HIVEP3: variants seen among roughly 807,000 people sequenced by gnomAD.
HIVEP3 encodes the protein transcription factor HIVEP3.
Under a neutral mutation model 152.8 loss-of-function variants are expected in HIVEP3, and 49 were observed. The observed-to-expected ratio is 0.32, with a 90% CI of 0.26 to 0.41. The LOEUF is 0.41. HIVEP3 is among the 10% of genes least tolerant of loss of function. The probability of loss-of-function intolerance (pLI) is 1.00; values close to 1 mark genes in which losing one functional copy is unlikely to be tolerated. For missense variants in HIVEP3, 2,790 were observed against 3,103.3 expected (o/e 0.90, Z 2.40); for synonymous variants, 1,269 against 1,289.0 (o/e 0.98, Z 0.33).
intron 7 of HIVEP3, among the ~76,000 whole-genome samples, chr1:41,516,068 C>T (rs986304442): frequency 1.4e-5 from 2 of 142,484 alleles, no homozygotes; most frequent in Non-Finnish European, 3.1e-5. Flanking sequence ...ATGGCCCGTC[C>T]TGGGCACTCA....
intron 1 of HIVEP3, among the ~76,000 whole-genome samples, chr1:41,714,772 TA>T (rs1160272681): frequency 6.6e-6 from 1 of 152,176 alleles, no homozygotes; most frequent in Non-Finnish European, 1.5e-5. Flanking sequence ...CTGCTATATT[TA>T]AAAGCATTGT....
intron 2 of HIVEP3, among the ~76,000 whole-genome samples, chr1:41,696,301 G>T (rs1393855893): frequency 6.6e-6 from 1 of 152,228 alleles, no homozygotes; most frequent in Non-Finnish European, 1.5e-5. Flanking sequence ...TGTTTGGTGG[G>T]CCACCTGCCC....
At chr1:41,713,960 T>C (rs1192891042) in intron 1 of HIVEP3, among the ~76,000 whole-genome samples, 3 of 152,180 alleles carry the variant, frequency 2.0e-5, no homozygotes, top group Non-Finnish European at 2.9e-5. Context: ...TCAGCTCCCC[T>C]TCCAAGAGAA....
chr1:41,977,330 G>T (rs1645265501), intron 1 of HIVEP3, among the ~76,000 whole-genome samples: 1 of 152,178 alleles, frequency 6.6e-6, no homozygotes, highest in Non-Finnish European at 1.5e-5. Context: ...TTCTTCCCTT[G>T]TGTGAGCTGC....
chr1:41,526,276 C>A (rs1642902772), intron 5 of HIVEP3, among the ~76,000 whole-genome samples: 2 of 151,008 alleles, frequency 1.3e-5, no homozygotes, highest in African/African-American at 4.9e-5. Flanking sequence ...CACACACTCA[C>A]CCTCACACGC....
intron 1 of HIVEP3, among the ~76,000 whole-genome samples, chr1:41,711,103 G>T (rs1177638025): frequency 1.3e-5 from 2 of 152,166 alleles, no homozygotes; most frequent in Non-Finnish European, 2.9e-5. Context: ...CCACCCACCG[G>T]GCTGGCCTTC....
At chr1:41,540,869 C>A (rs1459494688) in intron 5 of HIVEP3, among the ~76,000 whole-genome samples, 1 of 152,078 alleles carries the variant, frequency 6.6e-6, no homozygotes, top group African/African-American at 2.4e-5. Flanking sequence ...AAGTCTGGGG[C>A]AAAATAGATT....
At position 41,582,290 on chromosome 1, in the gene HIVEP3, G is replaced by T; in HGVS notation, c.2508C>A (p.His836Gln). The T allele has an allele frequency of 6.2e-7, 1 of 1,614,144 alleles. No individual in the cohort carries two copies. Among genetic ancestry groups the T allele is most frequent in the Admixed American group, 1.7e-5 (1 of 60,024 alleles). ...AQFPSPPPAP[H>Q]GRSAHSLQPK... ...GCTGCAGGGAGTGAGCAGAGCGTCC[G>T]TGTGGGGCAGGTGGGGGTGATGGGA... Residue 836 changes from histidine (H) to glutamine (Q), a missense_variant, in exon 4 of 9, where the codon CAC becomes CAA. Around this residue, in one of 9 missense-constraint regions of HIVEP3, gnomAD observed 1,078 missense variants for 1,165.3 expected, o/e 0.93. Transcript: ENST00000372583. This position sits in a 1 kb window ranked among gnomAD's most constrained non-coding sequence, Gnocchi z 4.7.
rs537877738 is a variant in HIVEP3 at position 42,016,365 on chromosome 1, A to G, written n.119+19442T>C. ...TGCTTTCATTAGGAGTTTGATCTTT[A>G]TCATGAAACTGGTAATATACAGACA... On this transcript the variant is annotated intron_variant and non_coding_transcript_variant, in intron 1 of 3. Transcript: ENST00000489103. Among the ~76,000 whole-genome samples, 13 of 152,310 alleles carry G rather than the reference A, an allele frequency of 8.5e-5. No homozygotes were observed. The South Asian group carries it at 2.7e-3, about 32-fold the overall frequency.
At position 41,824,851 on chromosome 1, in the gene HIVEP3, T is replaced by TAG. The variant is rs112182227; in HGVS notation, c.-801+93560_-801+93561dup. Among the ~76,000 whole-genome samples, 249 of 131,212 alleles carry TAG rather than the reference T, an allele frequency of 1.9e-3. 1 individual carries two copies. Among genetic ancestry groups the TAG allele is most frequent in the African/African-American group, 6.7e-3 (227 of 33,694 alleles). 86.1% of individuals were successfully genotyped at this position (131,212 alleles called of 152,430 possible). A position where few individuals can be genotyped will look rare whatever the true frequency, so the allele number is the denominator to read the frequency against. ...GAGAGAGAGAGAGAGAGTTTATATA[T>TAG]AGAGAGAGAGACAGAGACAGAGAGA... On this transcript the variant is annotated intron_variant, in intron 1 of 8. Transcript: ENST00000372583.
At chr1:41,627,592 G>A (rs1006765974) in intron 3 of HIVEP3, among the ~76,000 whole-genome samples, 2 of 152,166 alleles carry the variant, frequency 1.3e-5, no homozygotes, top group East Asian at 1.9e-4. Flanking sequence ...CAGCAACAGC[G>A]ATGCCATCTC....
intron 1 of HIVEP3, among the ~76,000 whole-genome samples, chr1:41,969,531 T>G (rs896370639): frequency 2.6e-5 from 4 of 152,170 alleles, no homozygotes; most frequent in Non-Finnish European, 5.9e-5. Flanking sequence ...CTGGACCCAC[T>G]CCTTATACCT....
chr1:42,008,240 A>G (rs1645472305), intron 1 of HIVEP3, among the ~76,000 whole-genome samples: 1 of 152,220 alleles, frequency 6.6e-6, no homozygotes, highest in African/African-American at 2.4e-5. Flanking sequence ...TAATGTTTCA[A>G]GTGTGAAGAT....
Position 41,579,930 on chromosome 1 carries a change from C to T in HIVEP3, c.4868G>A (p.Arg1623Lys). The stretch of plus-strand genomic sequence containing the variant: ...GCACCAACCAGCGTAAACAGAGGAC[C>T]TCCTATCTGCATGCTGGATGTGATT... ...KPNHIQHADRRSSVYAGWCIS... is the reference protein window; with the variant it reads ...KPNHIQHADRKSSVYAGWCIS... Residue 1623 changes from arginine (R) to lysine (K), a missense_variant, in exon 4 of 9, where the codon AGG becomes AAG. Arg to Lys is a conservative substitution (Grantham distance 26, BLOSUM62 2). Transcript: ENST00000372583. 1.9e-6 allele frequency: 3 copies of T among 1,614,234 alleles called. No individual in the cohort carries two copies. Among genetic ancestry groups the T allele is most frequent in the Non-Finnish European group, 2.5e-6 (3 of 1,180,034 alleles).
intron 3 of HIVEP3, among the ~76,000 whole-genome samples, chr1:41,601,853 A>G (rs930717100): frequency 6.6e-6 from 1 of 152,178 alleles, no homozygotes; most frequent in African/African-American, 2.4e-5. Flanking sequence ...GTTTTTCACC[A>G]CTGAGTATAG....
At chr1:41,602,558 A>G (rs1206681318) in intron 3 of HIVEP3, among the ~76,000 whole-genome samples, 1 of 151,826 alleles carries the variant, frequency 6.6e-6, no homozygotes, top group African/African-American at 2.4e-5. Flanking sequence ...TATCCTTTTT[A>G]TTTCTGTGGC....
chr1:41,628,618 C>T, intron 3 of HIVEP3, 131 bp downstream of exon 3: 1 of 729,356 alleles, frequency 1.4e-6, no homozygotes, highest in Non-Finnish European at 1.9e-6. Context: ...TTCACAGAGG[C>T]ACCAGAAAGG....
At chr1:41,863,884 T>G (rs2124402656) in intron 1 of HIVEP3, among the ~76,000 whole-genome samples, 1 of 152,348 alleles carries the variant, frequency 6.6e-6, no homozygotes, top group South Asian at 2.1e-4. Flanking sequence ...AGCTGATTAT[T>G]GCAGGAAATG....
intron 3 of HIVEP3, among the ~76,000 whole-genome samples, chr1:41,610,471 C>T (rs1644881755): frequency 2.0e-5 from 3 of 152,196 alleles, no homozygotes; most frequent in African/African-American, 7.2e-5. Context: ...GGCTGATGGC[C>T]TAGGGGAATC....
Sources: gnomAD v4.1 joint callset for allele counts (sites outside exome capture counted in the v4.1 genomes callset) on GRCh38, gnomAD v4.1.1 for gene constraint, gnomAD v4.1.1 regional missense constraint, Gnocchi (gnomAD v3.1) non-coding constraint, MANE v1.5 for transcripts, NCBI Gene and HGNC (gene_info 2026-07-23, HGNC 2026-07-21) for gene names.